Variants in RABEP2 observed in about 807,000 individuals in gnomAD.
RABEP2 encodes the protein rab GTPase-binding effector protein 2.
A neutral mutation model predicts 74.1 loss-of-function variants in RABEP2; 57 were observed. The ratio of observed to expected loss-of-function variants is 0.77; its 90% CI spans 0.62 to 0.96. RABEP2 has a LOEUF of 0.96. RABEP2 is among the 40% of genes least tolerant of loss of function. The pLI, the probability that RABEP2 is intolerant of heterozygous loss-of-function variation, is 0.00. For missense variants in RABEP2, 692 were observed against 756.3 expected (o/e 0.91, Z 1.00); for synonymous variants, 351 against 344.0 (o/e 1.02, Z -0.23).
In RABEP2 at chr16:28,911,192, CT is replaced by C. The variant is rs751706631; in HGVS notation, c.895-14del. ...GCAGCTGTCGGCCCTGCCACAGACC[CT>C]GCCTTCAGCCTGCATCTCCCAGGAA... On this transcript the variant is annotated splice_polypyrimidine_tract_variant and intron_variant, in intron 5 of 12. Coordinates refer to ENST00000358201, the MANE Select transcript of RABEP2 (RefSeq NM_024816.3). 6.2e-7 allele frequency: 1 copy of C among 1,605,838 alleles called. No homozygotes were observed. The highest frequency in any genetic ancestry group is 1.1e-5 in the South Asian group (1 of 90,740).
chr16:28,906,534 G>GT (rs1446051179), intron 8 of RABEP2, among the ~76,000 whole-genome samples: 3 of 152,192 alleles, frequency 2.0e-5, no homozygotes, highest in African/African-American at 7.2e-5. Context: ...GGAGGCTGAG[G>GT]TGGGAGGATC....
chr16:28,916,696 A>C (rs1434789422), intron 3 of RABEP2, among the ~76,000 whole-genome samples: 1 of 149,792 alleles, frequency 6.7e-6, no homozygotes, highest in African/African-American at 2.5e-5. Context: ...AAAAAAAAAA[A>C]AATTTCTGGC....
chr16:28,908,696 C>G lies in RABEP2; in HGVS notation c.1158G>C (p.Gly386=). 6.2e-7 allele frequency: 1 copy of G among 1,614,200 alleles called. No homozygotes were observed. Among genetic ancestry groups the G allele is most frequent in the Non-Finnish European group, 8.5e-7 (1 of 1,180,032 alleles). Reference sequence around the variant, plus strand: ...AGGATGGCAGCTGCTCGGCCCGGAGCCCTTGGTTTTCCTCATTCAACCGCT... The same window carrying G: ...AGGATGGCAGCTGCTCGGCCCGGAGGCCTTGGTTTTCCTCATTCAACCGCT... ...EVKRLNEENQ[G]LRAEQLPSSA... is the part of the protein sequence containing the mutation. Residue 386 remains glycine (G), a synonymous_variant, in exon 8 of 13, where the codon GGG becomes GGC. Coordinates refer to ENST00000358201, the MANE Select transcript of RABEP2 (RefSeq NM_024816.3).
Position 28,911,183 on chromosome 16 carries a change from C to T in RABEP2, c.895-4G>A. ...GGTCCTTCTGCAGCTGTCGGCCCTG[C>T]CACAGACCCTGCCTTCAGCCTGCAT... On this transcript the variant is annotated splice_polypyrimidine_tract_variant and splice_region_variant and intron_variant, in intron 5 of 12. Transcript: ENST00000358201. 6.2e-7 allele frequency: 1 copy of T among 1,608,064 alleles called. No homozygotes were observed.
chr16:28,918,112 G>A (rs1024140386), intron 3 of RABEP2, among the ~76,000 whole-genome samples: 3 of 117,288 alleles, frequency 2.6e-5, no homozygotes, highest in South Asian at 3.0e-4. Flanking sequence ...TCGCTCTGTC[G>A]CCCAGGTGGG....
intron 3 of RABEP2, among the ~76,000 whole-genome samples, chr16:28,916,767 CAAG>C (rs1450987648): frequency 6.6e-6 from 1 of 151,164 alleles, no homozygotes; most frequent in Non-Finnish European, 1.5e-5. Context: ...GGGCCGATCA[CAAG>C]GTCAGGAGTT....
rs1964191957 is a variant in RABEP2 at position 28,904,600 on chromosome 16, C to A, written c.*343G>T. On this transcript the variant is annotated 3_prime_UTR_variant, in exon 13 of 13. Transcript: ENST00000358201. ...ACTGCCTCTGATGGGGACTCCCAGC[C>A]CCCATGGCTCCGCTGTGCCCTGGGC... 3 of 1,174,760 alleles carry A rather than the reference C, an allele frequency of 2.6e-6. No homozygotes were observed. The highest frequency in any genetic ancestry group is 3.4e-6 in the Non-Finnish European group (3 of 875,564). The allele number at this position is 1,174,760 out of a possible 1,614,324, so 72.8% of individuals were successfully genotyped here.
rs762657179 is a variant in RABEP2, at chr16:28,925,093, C to T, written c.61+10G>A. The T allele has an allele frequency of 1.3e-6, 2 of 1,547,682 alleles. No individual in the cohort carries two copies. Among genetic ancestry groups the T allele is most frequent in the Admixed American group, 1.9e-5 (1 of 53,310 alleles). ...CCGTTCCCCGCTTGCACGGACGCCCCCTCACGTACCAGCCCCCGGCCGCCG... is the reference window on the plus strand; with the variant it reads ...CCGTTCCCCGCTTGCACGGACGCCCTCTCACGTACCAGCCCCCGGCCGCCG... On this transcript the variant is annotated intron_variant, in intron 1 of 12. Transcript: ENST00000358201.
At chr16:28,911,645 C>T (rs1335765535) in intron 5 of RABEP2, among the ~76,000 whole-genome samples, 1 of 143,064 alleles carries the variant, frequency 7.0e-6, no homozygotes, top group Admixed American at 7.1e-5. Context: ...GAGATTCCGT[C>T]TCAAAAAAGA....
At chr16:28,920,363 G>GTTA (rs147158210) in intron 2 of RABEP2, among the ~76,000 whole-genome samples, 14,514 of 141,530 alleles carry the variant, frequency 0.1, 1,216 homozygotes, top group African/African-American at 0.23. Flanking sequence ...ATTTTTTTTG[G>GTTA]TTATTATTAT....
chr16:28,917,006 T>A (rs1596701968), intron 3 of RABEP2, among the ~76,000 whole-genome samples: 1 of 150,660 alleles, frequency 6.6e-6, no homozygotes, highest in Non-Finnish European at 1.5e-5. Context: ...AAAAAAAAAA[T>A]TATGTCACAT....
chr16:28,908,780 T>C lies in RABEP2; in HGVS notation c.1090-16A>G, dbSNP rs149565599. The stretch of plus-strand genomic sequence containing the variant: ...CCAGCTCCGCCTATGGACAGACAGT[T>C]AGTATAAGGCAATGAAGAGGACAGG... On this transcript the variant is annotated splice_polypyrimidine_tract_variant and intron_variant, in intron 7 of 12. Coordinates refer to ENST00000358201, the MANE Select transcript of RABEP2 (RefSeq NM_024816.3). 247 of 1,613,002 alleles carry C rather than the reference T, an allele frequency of 1.5e-4. No individual in the cohort carries two copies. The African/African-American group carries it at 2.7e-3, about 18-fold the overall frequency.
chr16:28,910,851 T>G (rs1240199650), intron 7 of RABEP2, 37 bp downstream of exon 7: 1 of 1,557,334 alleles, frequency 6.4e-7, no homozygotes, highest in Non-Finnish European at 8.7e-7. Context: ...CCTGCTGGAC[T>G]CCTCGCCCTC....
rs757555179 is a variant in RABEP2, at chr16:28,908,604, C to T, written c.1245+5G>A. The stretch of plus-strand genomic sequence containing the variant: ...CCAGGCTCTCAGTGCCCACACTCAG[C>T]TTACTGGCACAGAGCTGGGCAGTGA... On this transcript the variant is annotated splice_donor_5th_base_variant and intron_variant, in intron 8 of 12. Coordinates refer to ENST00000358201, the MANE Select transcript of RABEP2 (RefSeq NM_024816.3). 1 of 1,605,366 alleles carries T rather than the reference C, an allele frequency of 6.2e-7. No homozygotes were observed. Among genetic ancestry groups the T allele is most frequent in the Non-Finnish European group, 8.5e-7 (1 of 1,175,796 alleles).
intron 7 of RABEP2, among the ~76,000 whole-genome samples, chr16:28,909,139 T>A (rs1190598724): frequency 1.3e-5 from 2 of 151,770 alleles, no homozygotes; most frequent in African/African-American, 4.8e-5. Context: ...TGCAATAGAG[T>A]GATCTCGGCT....
rs1000534233 is a variant in RABEP2, at chr16:28,922,577, TAGTC to T, written c.274+1822_274+1825del. ...TCTACTAAAAATTAAAAAAAAAAAT[TAGTC>T]AGGCGTGGTGGCGAGCACCTGTAGT... On this transcript the variant is annotated intron_variant, in intron 2 of 12. Coordinates refer to ENST00000358201, the MANE Select transcript of RABEP2 (RefSeq NM_024816.3). Among the ~76,000 whole-genome samples the T allele has an allele frequency of 1.2e-3, 180 of 151,494 alleles. 2 individuals are homozygous for T. Among genetic ancestry groups the T allele is most frequent in the African/African-American group, 4.1e-3 (171 of 41,252 alleles).
At position 28,906,049 on chromosome 16, in the gene RABEP2, C is replaced by T; in HGVS notation, c.1393G>A (p.Gly465Arg). Residue 465 changes from glycine to arginine, a missense_variant, in exon 9 of 13, where the codon GGG (glycine) becomes AGG (arginine). By Grantham distance (125) the Gly-to-Arg change is moderately radical. Transcript: ENST00000358201. Reference protein sequence around the residue: ...EETVARASLEGQLRVQREETE... With the variant: ...EETVARASLERQLRVQREETE... ...TCCTCCCGCTGCACCCTCAGCTGCC[C>T]CTCCAGGCTGGCCCTGGCCACTGTC... 2.5e-6 allele frequency: 4 copies of T among 1,603,492 alleles called. No individual in the cohort carries two copies. Among genetic ancestry groups the T allele is most frequent in the South Asian group, 2.2e-5 (2 of 90,006 alleles).
chr16:28,920,400 T>TTAC lies in RABEP2; in HGVS notation c.275-458_275-457insGTA, dbSNP rs1964455647. On this transcript the variant is annotated intron_variant, in intron 2 of 12. Transcript: ENST00000358201. ...ATTATTATTATTATTATTATTATTA[T>TTAC]TTTGAGACAGAGTCTCACTCTGTCA... is the stretch of plus-strand genomic sequence containing the variant. 2.7e-5 allele frequency among the ~76,000 whole-genome samples: 4 copies of TTAC among 149,646 alleles called. No homozygotes were observed. The South Asian group carries it at 8.4e-4, about 32-fold the overall frequency.
chr16:28,905,799 C>A (rs1458446588), intron 10 of RABEP2, 40 bp from the exon 11 acceptor site: 1 of 1,613,966 alleles, frequency 6.2e-7, no homozygotes, highest in Non-Finnish European at 8.5e-7. Flanking sequence ...GGGCCATGCC[C>A]TCTCCCTTTC....
Sources: gnomAD v4.1 joint callset for allele counts (sites outside exome capture counted in the v4.1 genomes callset) on GRCh38, gnomAD v4.1.1 for gene constraint, MANE v1.5 for transcripts, NCBI Gene and HGNC (gene_info 2026-07-23, HGNC 2026-07-21) for gene names.